SLC24A2: variants seen among roughly 807,000 people sequenced by gnomAD.
SLC24A2 encodes sodium/potassium/calcium exchanger 2.
SLC24A2 carries 36 observed loss-of-function variants against 62.0 expected under a neutral mutation model. The observed-to-expected ratio is 0.58, with a 90% CI of 0.44 to 0.77. The LOEUF (loss-of-function observed/expected upper bound fraction) is 0.77. Among genes scored for constraint, SLC24A2 ranks in the 30% least tolerant of loss-of-function variants. The pLI is 0.00. For synonymous variants in SLC24A2, 358 were observed against 294.0 expected, an observed-to-expected ratio of 1.22 and a Z score of -2.23; for missense variants, 846 against 817.9, an observed-to-expected ratio of 1.03 and a Z score of -0.42.
the SLC24A2 span, among the ~76,000 whole-genome samples, chr9:19,889,943 G>A: frequency 6.6e-6 from 1 of 152,008 alleles, no homozygotes; most frequent in Admixed American, 6.6e-5. Context: ...AGTTATTCTG[G>A]TATTCCACCA....
chr9:20,064,178 T>C, the SLC24A2 span, among the ~76,000 whole-genome samples: 1 of 152,162 alleles, frequency 6.6e-6, no homozygotes, highest in African/African-American at 2.4e-5. Context: ...AAAATATGGA[T>C]GGACCTCAAA....
chr9:20,288,027 G>C, the SLC24A2 span, among the ~76,000 whole-genome samples: 1 of 75,680 alleles, frequency 1.3e-5, no homozygotes, highest in Admixed American at 1.4e-4. Context: ...TGGGAAGGGA[G>C]GAGTTAGGAA....
At chr9:19,729,326 T>C (rs1312914815) in intron 2 of SLC24A2, among the ~76,000 whole-genome samples, 1 of 152,156 alleles carries the variant, frequency 6.6e-6, no homozygotes, top group Admixed American at 6.5e-5. Flanking sequence ...CTCCAAAAAC[T>C]ACAAATAGGA....
chr9:19,822,321 C>T, the SLC24A2 span, among the ~76,000 whole-genome samples: 1 of 152,120 alleles, frequency 6.6e-6, no homozygotes, highest in Non-Finnish European at 1.5e-5. Flanking sequence ...GGCTTGTCAC[C>T]TATGGACCAG....
At chr9:19,732,111 GT>G (rs1224198966) in intron 2 of SLC24A2, among the ~76,000 whole-genome samples, 2 of 47,802 alleles carry the variant, frequency 4.2e-5, no homozygotes, top group Admixed American at 2.2e-4. Flanking sequence ...TCCTTGTTTT[GT>G]TAAAAAAAAA....
chr9:20,105,556 A>T, the SLC24A2 span, among the ~76,000 whole-genome samples: 7 of 150,906 alleles, frequency 4.6e-5, no homozygotes, highest in Non-Finnish European at 7.4e-5. Flanking sequence ...ACTCAAAACC[A>T]CTCAACTACA....
chr9:20,145,865 T>C, the SLC24A2 span, among the ~76,000 whole-genome samples: 1 of 151,938 alleles, frequency 6.6e-6, no homozygotes. Context: ...AAAGATGGGA[T>C]TCTGCTATAT....
the SLC24A2 span, among the ~76,000 whole-genome samples, chr9:20,210,457 T>C: frequency 1.7e-4 from 26 of 152,132 alleles, no homozygotes; most frequent in East Asian, 5.0e-3. Flanking sequence ...AAAATCATCA[T>C]GCAGAAGGCA....
At chr9:20,065,398 T>C in the SLC24A2 span, among the ~76,000 whole-genome samples, 89 of 152,242 alleles carry the variant, frequency 5.8e-4, no homozygotes, top group Middle Eastern at 3.4e-3. Flanking sequence ...AGAGTAAAAA[T>C]GCCAGTCCCA....
At chr9:20,093,227 C>T in the SLC24A2 span, among the ~76,000 whole-genome samples, 1 of 151,794 alleles carries the variant, frequency 6.6e-6, no homozygotes, top group African/African-American at 2.4e-5. Flanking sequence ...CATGCACGAC[C>T]ACACCTGGCT....
the SLC24A2 span, among the ~76,000 whole-genome samples, chr9:20,136,482 T>C: frequency 6.6e-6 from 1 of 152,178 alleles, no homozygotes; most frequent in Non-Finnish European, 1.5e-5. Context: ...TTGTACTCTC[T>C]GGAATTGTTC....
chr9:20,297,260 T>C, the SLC24A2 span, among the ~76,000 whole-genome samples: 2 of 152,118 alleles, frequency 1.3e-5, no homozygotes, highest in Non-Finnish European at 2.9e-5. Flanking sequence ...AGGTTACAGA[T>C]TGAGCCTCAA....
the SLC24A2 span, among the ~76,000 whole-genome samples, chr9:19,961,846 C>T: frequency 6.6e-6 from 1 of 152,178 alleles, no homozygotes; most frequent in Non-Finnish European, 1.5e-5. Context: ...AGCCTCCCAC[C>T]TACAGTCAGG....
chr9:19,783,908 A>G (rs1220954638), intron 2 of SLC24A2, among the ~76,000 whole-genome samples: 1 of 152,254 alleles, frequency 6.6e-6, no homozygotes, highest in East Asian at 1.9e-4. Context: ...ATTTGGTGCT[A>G]AATGGAAAAC....
Position 19,547,810 on chromosome 9 carries a change from C to T in SLC24A2, c.1479+2327G>A, listed in dbSNP as rs541960366. ...CCTAGGGCCACACAAAAGCATTGGACTAAACAGCAGAGCAAGAGAGAGAGA... is the reference window on the plus strand; with the variant it reads ...CCTAGGGCCACACAAAAGCATTGGATTAAACAGCAGAGCAAGAGAGAGAGA... On this transcript the variant is annotated intron_variant, in intron 8 of 10. Coordinates refer to ENST00000341998, the MANE Select transcript of SLC24A2 (RefSeq NM_020344.4). 2.6e-5 allele frequency among the ~76,000 whole-genome samples: 4 copies of T among 151,646 alleles called. No individual in the cohort carries two copies. In the South Asian group the frequency reaches 8.3e-4, roughly 31 times the overall value.
the SLC24A2 span, among the ~76,000 whole-genome samples, chr9:20,131,067 C>T: frequency 1.3e-5 from 2 of 151,262 alleles, no homozygotes; most frequent in African/African-American, 4.9e-5. Context: ...AATGTGGGCT[C>T]TGTAACAAAT....
the SLC24A2 span, among the ~76,000 whole-genome samples, chr9:19,978,412 C>CTT: frequency 2.7e-5 from 4 of 148,108 alleles, no homozygotes; most frequent in African/African-American, 9.9e-5. Context: ...CCTCGCCCCT[C>CTT]TTTTTTTTTT....
intron 4 of SLC24A2, among the ~76,000 whole-genome samples, chr9:19,608,797 C>T (rs923438467): frequency 6.6e-6 from 1 of 151,886 alleles, no homozygotes; most frequent in Non-Finnish European, 1.5e-5. Context: ...CACACATACA[C>T]ACACACACAC....
At chr9:19,967,080 T>C in the SLC24A2 span, among the ~76,000 whole-genome samples, 1 of 152,172 alleles carries the variant, frequency 6.6e-6, no homozygotes, top group Non-Finnish European at 1.5e-5. Context: ...AAAATTAACA[T>C]ATATATTTAC....
Sources: gnomAD v4.1 joint callset for allele counts (sites outside exome capture counted in the v4.1 genomes callset) on GRCh38, gnomAD v4.1.1 for gene constraint, MANE v1.5 for transcripts, NCBI Gene and HGNC (gene_info 2026-07-23, HGNC 2026-07-21) for gene names.